ENPP6: variants seen among roughly 807,000 people sequenced by gnomAD.
ENPP6 encodes the protein glycerophosphocholine cholinephosphodiesterase ENPP6.
ENPP6 carries 32 observed loss-of-function variants against 42.0 expected under a neutral mutation model. The observed-to-expected ratio is 0.76, with a 90% CI of 0.58 to 1.02. The LOEUF (loss-of-function observed/expected upper bound fraction) is 1.02, where lower values mean the gene tolerates loss of function less well. ENPP6 is among the 50% of genes least tolerant of loss of function. The pLI, the probability that ENPP6 is intolerant of heterozygous loss-of-function variation, is 0.00. For synonymous variants in ENPP6, 213 were observed against 216.0 expected (o/e 0.99, Z 0.12); for missense variants, 552 against 566.8 (o/e 0.97, Z 0.27).
At chr4:184,208,984 C>G (rs1054389618) in intron 1 of ENPP6, among the ~76,000 whole-genome samples, 2 of 143,036 alleles carry the variant, frequency 1.4e-5, no homozygotes, top group South Asian at 4.5e-4. Flanking sequence ...ACACTGACAC[C>G]TCACACGGCA....
chr4:184,131,271 C>T (rs868335636), intron 2 of ENPP6, among the ~76,000 whole-genome samples: 916 of 59,796 alleles, frequency 0.015, 55 homozygotes, highest in Middle Eastern at 0.02. Context: ...TTCCTTCCTT[C>T]CTTCCTTCCT....
intron 1 of ENPP6, among the ~76,000 whole-genome samples, chr4:184,198,273 G>A (rs1732835656): frequency 6.6e-6 from 1 of 152,234 alleles, no homozygotes; most frequent in African/African-American, 2.4e-5. Flanking sequence ...ACAAATCAAT[G>A]TCTTCTCTGA....
In ENPP6 at chr4:184,117,884, G is replaced by C. The variant is rs747125622; in HGVS notation, c.550C>G (p.Leu184Val). Residue 184 changes from leucine (L) to valine (V), a missense_variant, in exon 4 of 8, where the codon CTG becomes GTG. Leu to Val is a conservative substitution (Grantham distance 32). Around this residue, in one of 2 missense-constraint regions of ENPP6, gnomAD observed 545 missense variants for 546.3 expected, o/e 1.00. Coordinates refer to ENST00000296741, the MANE Select transcript of ENPP6 (RefSeq NM_153343.4). ...ATGCGCTCATGGTATATGGCTGCCAGGTCGGCCCGGCCACTCCTGGAGGGA... is the reference window on the plus strand; with the variant it reads ...ATGCGCTCATGGTATATGGCTGCCACGTCGGCCCGGCCACTCCTGGAGGGA... ...LDSFKSGRAD[L>V]AAIYHERIDV... 2 of 1,614,154 alleles carry C rather than the reference G, an allele frequency of 1.2e-6. No homozygotes were observed. The highest frequency in any genetic ancestry group is 1.7e-6 in the Non-Finnish European group (2 of 1,180,016).
At chr4:184,193,179 G>A (rs1207723076) in intron 1 of ENPP6, among the ~76,000 whole-genome samples, 3 of 152,216 alleles carry the variant, frequency 2.0e-5, no homozygotes, top group Admixed American at 2.0e-4. Flanking sequence ...ACAAAGGCTT[G>A]TGCACAAATG....
At position 184,124,302 on chromosome 4, in the gene ENPP6, C is replaced by T. The variant is rs373126537; in HGVS notation, c.422-30G>A. 5.9e-6 allele frequency: 9 copies of T among 1,535,062 alleles called. No individual in the cohort carries two copies. The African/African-American group carries it at 6.8e-5, about 12-fold the overall frequency. The stretch of plus-strand genomic sequence containing the variant: ...GAAGGAAAAAGATGGCAAATAGTTA[C>T]TCTCTTCAATAAGTAATGTCGAGTT... On this transcript the variant is annotated intron_variant, in intron 2 of 7. Transcript: ENST00000296741.
chr4:184,135,431 C>A (rs1326499812), intron 2 of ENPP6, among the ~76,000 whole-genome samples: 5 of 152,096 alleles, frequency 3.3e-5, no homozygotes, highest in African/African-American at 1.2e-4. Flanking sequence ...AAATTGATAT[C>A]AACATGAAAT....
chr4:184,163,978 GT>G (rs1737308028), intron 1 of ENPP6, among the ~76,000 whole-genome samples: 1 of 152,218 alleles, frequency 6.6e-6, no homozygotes, highest in African/African-American at 2.4e-5. Flanking sequence ...CGAGTCCAGA[GT>G]TGCAGGCAGG....
intron 1 of ENPP6, among the ~76,000 whole-genome samples, chr4:184,158,472 TCCTACTC>T (rs1737210102): frequency 6.6e-6 from 1 of 152,242 alleles, no homozygotes; most frequent in Non-Finnish European, 1.5e-5. Context: ...TTGAAAATTC[TCCTACTC>T]TCAGTTATAC....
intron 1 of ENPP6, among the ~76,000 whole-genome samples, chr4:184,197,391 A>C (rs1732818622): frequency 6.6e-6 from 1 of 152,244 alleles, no homozygotes; most frequent in South Asian, 2.1e-4. Context: ...TTCAGCATTG[A>C]AAGAGTAGAG....
intron 2 of ENPP6, among the ~76,000 whole-genome samples, chr4:184,148,261 T>C (rs1206991157): frequency 6.6e-6 from 1 of 152,162 alleles, no homozygotes; most frequent in Non-Finnish European, 1.5e-5. Flanking sequence ...CCTTTAAAGA[T>C]GTTTTGTGAA....
chr4:184,190,672 G>A (rs1732701274), intron 1 of ENPP6, among the ~76,000 whole-genome samples: 1 of 152,180 alleles, frequency 6.6e-6, no homozygotes, highest in African/African-American at 2.4e-5. Flanking sequence ...GAGACACATT[G>A]AGTGGGATGT....
intron 1 of ENPP6, among the ~76,000 whole-genome samples, chr4:184,188,794 T>A (rs1196613601): frequency 6.6e-6 from 1 of 152,174 alleles, no homozygotes; most frequent in Non-Finnish European, 1.5e-5. Flanking sequence ...GACTGATTGT[T>A]AATCCCCTGG....
intron 2 of ENPP6, among the ~76,000 whole-genome samples, chr4:184,144,245 C>T (rs1387451048): frequency 6.6e-6 from 1 of 152,200 alleles, no homozygotes; most frequent in Non-Finnish European, 1.5e-5. Flanking sequence ...ACCTGGAGCC[C>T]TCTTCGTTAC....
intron 5 of ENPP6, among the ~76,000 whole-genome samples, chr4:184,114,089 C>T (rs1438817480): frequency 6.6e-6 from 1 of 152,052 alleles, no homozygotes; most frequent in East Asian, 1.9e-4. Context: ...CCTCAGCCTC[C>T]CAAGTAGCTG....
Position 184,116,874 on chromosome 4 carries a change from G to A in ENPP6, c.837C>T (p.Ala279=). 1 of 1,613,644 alleles carries A rather than the reference G, an allele frequency of 6.2e-7. No homozygotes were observed. Among genetic ancestry groups the A allele is most frequent in the Non-Finnish European group, 8.5e-7 (1 of 1,179,964 alleles). Residue 279 remains alanine, a synonymous_variant, in exon 5 of 8, where the codon GCC becomes GCT. Transcript: ENST00000296741. ...GTCTTGCCTCAGAGTGTTTCCCAGGGGCCGGCCAAAGGCTCACAACAGGCC... is the reference window on the plus strand; with the variant it reads ...GTCTTGCCTCAGAGTGTTTCCCAGGAGCCGGCCAAAGGCTCACAACAGGCC... The part of the protein sequence containing the change: ...DRGPVVSLWP[A]PGKHSEIYNK...
At chr4:184,136,209 T>C (rs1442397580) in intron 2 of ENPP6, among the ~76,000 whole-genome samples, 1 of 151,200 alleles carries the variant, frequency 6.6e-6, no homozygotes, top group Non-Finnish European at 1.5e-5. Context: ...GTCTATTAAA[T>C]TTTATATAAA....
chr4:184,108,337 G>A (rs573198913), intron 6 of ENPP6, among the ~76,000 whole-genome samples: 11 of 152,310 alleles, frequency 7.2e-5, no homozygotes, highest in African/African-American at 1.7e-4. Context: ...AAACGTCATC[G>A]CATGCACTGT....
At chr4:184,117,989 C>A (rs1434982840) in intron 3 of ENPP6, 89 bp from the exon 4 acceptor site, 4 of 1,474,248 alleles carry the variant, frequency 2.7e-6, no homozygotes, top group Non-Finnish European at 3.6e-6. Context: ...TGAAGGTGTT[C>A]ACGCCCCCCG....
intron 2 of ENPP6, among the ~76,000 whole-genome samples, chr4:184,132,363 TAA>T (rs907648031): frequency 2.0e-5 from 3 of 150,882 alleles, no homozygotes; most frequent in East Asian, 1.9e-4. Flanking sequence ...CCCAATTATG[TAA>T]AGTGTTAGCT....
Sources: gnomAD v4.1 joint callset for allele counts (sites outside exome capture counted in the v4.1 genomes callset) on GRCh38, gnomAD v4.1.1 for gene constraint, gnomAD v4.1.1 regional missense constraint, MANE v1.5 for transcripts, NCBI Gene and HGNC (gene_info 2026-07-23, HGNC 2026-07-21) for gene names.